Variants in RGS6 observed in about 807,000 individuals in gnomAD.
RGS6 encodes regulator of G protein signaling 6.
In RGS6, 30 loss-of-function variants were observed where a neutral mutation model predicts 78.5. That is an observed-to-expected ratio of 0.38 (90% confidence interval 0.29 to 0.52). The LOEUF is 0.52. RGS6 is among the 20% of genes least tolerant of loss of function. The probability of loss-of-function intolerance (pLI) is 0.85; values close to 1 mark genes in which losing one functional copy is unlikely to be tolerated. For synonymous variants in RGS6, 206 were observed against 206.0 expected, an observed-to-expected ratio of 1.00 and a Z score of 0.00; for missense variants, 495 against 609.7, an observed-to-expected ratio of 0.81 and a Z score of 1.98.
intron 2 of RGS6, among the ~76,000 whole-genome samples, chr14:72,256,325 G>T (rs1377856748): frequency 6.6e-6 from 1 of 152,122 alleles, no homozygotes; most frequent in East Asian, 1.9e-4. Context: ...TGAGTCATGG[G>T]TCCAGGTAGA....
At chr14:72,605,353 G>T in the RGS6 span, among the ~76,000 whole-genome samples, 1 of 152,340 alleles carries the variant, frequency 6.6e-6, no homozygotes, top group Middle Eastern at 3.4e-3. Context: ...GATGGCAGGC[G>T]GGCGCTTGCA....
chr14:72,066,088 T>C (rs1300829626), intron 2 of RGS6, among the ~76,000 whole-genome samples: 2 of 152,220 alleles, frequency 1.3e-5, no homozygotes, highest in Admixed American at 6.5e-5. Flanking sequence ...TGGGAAGATA[T>C]CTTCTTTCTG....
chr14:72,554,212 C>T (rs992404948), intron 17 of RGS6, among the ~76,000 whole-genome samples: 1 of 152,226 alleles, frequency 6.6e-6, no homozygotes, highest in Non-Finnish European at 1.5e-5. Flanking sequence ...TTCTAGGCTC[C>T]GCCTTTTCAG....
At chr14:72,061,532 G>C (rs2093893770) in intron 2 of RGS6, among the ~76,000 whole-genome samples, 1 of 151,918 alleles carries the variant, frequency 6.6e-6, no homozygotes, top group Non-Finnish European at 1.5e-5. Flanking sequence ...TTGAGATTTT[G>C]AGTATATTCC....
chr14:72,357,642 A>G (rs560160481), intron 3 of RGS6, among the ~76,000 whole-genome samples: 2 of 152,310 alleles, frequency 1.3e-5, no homozygotes, highest in South Asian at 4.1e-4. Flanking sequence ...ATGATTTAGG[A>G]TATCTGGCAG....
At chr14:72,421,795 C>T (rs1383930674) in intron 3 of RGS6, 1 of 152,264 alleles carries the variant, frequency 6.6e-6, no homozygotes, top group Non-Finnish European at 1.5e-5. Flanking sequence ...GTACAGCTCC[C>T]CATTCCTCCT....
Position 72,137,778 on chromosome 14 carries a change from T to A in RGS6, c.84+172903T>A, listed in dbSNP as rs143722007. 2.9e-3 allele frequency among the ~76,000 whole-genome samples: 436 copies of A among 152,340 alleles called. 1 individual carries two copies. Among genetic ancestry groups the A allele is most frequent in the African/African-American group, 9.6e-3 (399 of 41,578 alleles). Reference sequence around the variant, plus strand: ...TTTGGGCACATGGATGACATGCATGTGTTTTTGTTCACAAACTGAGAAGCT... The same window carrying A: ...TTTGGGCACATGGATGACATGCATGAGTTTTTGTTCACAAACTGAGAAGCT... On this transcript the variant is annotated intron_variant, in intron 2 of 17. Coordinates refer to ENST00000553525, the MANE Select transcript of RGS6 (RefSeq NM_001204424.2).
intron 2 of RGS6, among the ~76,000 whole-genome samples, chr14:72,226,953 G>T (rs913803538): frequency 8.6e-5 from 13 of 152,040 alleles, no homozygotes; most frequent in Non-Finnish European, 1.9e-4. Context: ...TCCCAAAGTG[G>T]AGGCATTACA....
chr14:72,463,493 A>T (rs1317629213), intron 6 of RGS6, among the ~76,000 whole-genome samples: 3 of 152,242 alleles, frequency 2.0e-5, no homozygotes, highest in African/African-American at 7.2e-5. Context: ...ACTCATGGCC[A>T]TCAGGAGTGG....
At chr14:72,146,856 A>T (rs938002269) in intron 2 of RGS6, among the ~76,000 whole-genome samples, 1 of 152,236 alleles carries the variant, frequency 6.6e-6, no homozygotes, top group Admixed American at 6.5e-5. Flanking sequence ...GAAAGAAGCC[A>T]TGCAGCACCT....
intron 2 of RGS6, among the ~76,000 whole-genome samples, chr14:72,308,855 A>G (rs1338252507): frequency 6.6e-6 from 1 of 152,028 alleles, no homozygotes; most frequent in Non-Finnish European, 1.5e-5. Context: ...GAGTCTTTGA[A>G]CCTCCCTCAG....
the RGS6 span, among the ~76,000 whole-genome samples, chr14:72,599,419 T>TG: frequency 4.6e-5 from 6 of 130,396 alleles, no homozygotes; most frequent in African/African-American, 1.8e-4. Context: ...TTTTTTTTTT[T>TG]TTTTTTTGAG....
the RGS6 span, among the ~76,000 whole-genome samples, chr14:71,868,253 A>G: frequency 6.6e-6 from 1 of 152,040 alleles, no homozygotes; most frequent in South Asian, 2.1e-4. Flanking sequence ...TTGAATTTGA[A>G]ATTGAGAGGT....
At chr14:72,629,864 A>T in the RGS6 span, 2 of 744,166 alleles carry the variant, frequency 2.7e-6, no homozygotes, top group African/African-American at 3.5e-5. Flanking sequence ...AGGGAAAAAA[A>T]TGGGGACCCA....
intron 2 of RGS6, among the ~76,000 whole-genome samples, chr14:72,138,606 C>T (rs1028089347): frequency 2.0e-5 from 3 of 151,974 alleles, no homozygotes; most frequent in African/African-American, 7.2e-5. Flanking sequence ...CTGGACCACA[C>T]AGCAGGAGGT....
intron 3 of RGS6, among the ~76,000 whole-genome samples, chr14:72,366,988 C>A (rs748862049): frequency 4.6e-5 from 7 of 152,168 alleles, no homozygotes; most frequent in Non-Finnish European, 8.8e-5. Context: ...AAATTCCTAG[C>A]ATGTAAGAGC....
At chr14:72,057,949 T>G (rs974317338) in intron 2 of RGS6, among the ~76,000 whole-genome samples, 2 of 152,178 alleles carry the variant, frequency 1.3e-5, no homozygotes, top group African/African-American at 4.8e-5. Flanking sequence ...GAATTCTACT[T>G]CAGGATCACA....
At chr14:72,425,042 C>A (rs1004859276) in intron 3 of RGS6, among the ~76,000 whole-genome samples, 2 of 152,204 alleles carry the variant, frequency 1.3e-5, no homozygotes, top group African/African-American at 4.8e-5. Context: ...AATTCAACAA[C>A]AGCTAATGAA....
intron 1 of RGS6, among the ~76,000 whole-genome samples, chr14:71,959,906 T>C (rs1422501193): frequency 6.6e-6 from 1 of 152,010 alleles, no homozygotes; most frequent in East Asian, 1.9e-4. Flanking sequence ...AAACGTAGGG[T>C]GGGAGAGCCC....
Sources: gnomAD v4.1 joint callset for allele counts (sites outside exome capture counted in the v4.1 genomes callset) on GRCh38, gnomAD v4.1.1 for gene constraint, MANE v1.5 for transcripts, NCBI Gene and HGNC (gene_info 2026-07-23, HGNC 2026-07-21) for gene names.